Variants in FRMPD4 observed in about 807,000 individuals in gnomAD.
FRMPD4 encodes FERM and PDZ domain-containing protein 4.
A neutral mutation model predicts 94.1 loss-of-function variants in FRMPD4; 22 were observed. The ratio of observed to expected loss-of-function variants is 0.23; its 90% CI spans 0.17 to 0.33. The LOEUF (loss-of-function observed/expected upper bound fraction) is 0.33, where lower values mean the gene tolerates loss of function less well. FRMPD4 is among the 10% of genes least tolerant of loss of function. The pLI, the probability that FRMPD4 is intolerant of heterozygous loss-of-function variation, is 1.00. For synonymous variants in FRMPD4, 631 were observed against 548.6 expected, an observed-to-expected ratio of 1.15 and a Z score of -2.10; for missense variants, 1,111 against 1,339.9, an observed-to-expected ratio of 0.83 and a Z score of 2.67.
intron 3 of FRMPD4, among the ~76,000 whole-genome samples, chrX:11,983,447 T>G (rs1222132678): frequency 8.9e-6 from 1 of 112,262 alleles, no homozygotes; most frequent in African/African-American, 3.2e-5. Context: ...ACTTTGCTGC[T>G]TATTTACCTC....
intron 1 of FRMPD4, among the ~76,000 whole-genome samples, chrX:12,220,872 ATAT>A (rs1366398894): frequency 8.9e-6 from 1 of 111,993 alleles, no homozygotes; most frequent in African/African-American, 3.2e-5. Flanking sequence ...AATTACTTGA[ATAT>A]TATTATATGG....
intron 3 of FRMPD4, among the ~76,000 whole-genome samples, chrX:11,974,480 G>A (rs1395888461): frequency 8.9e-6 from 1 of 111,796 alleles, no homozygotes; most frequent in Non-Finnish European, 1.9e-5. Flanking sequence ...AGAACCATGA[G>A]CCACGTAAAC....
Position 12,558,055 on chromosome X carries a change from C to G in FRMPD4, c.159-51666C>G, listed in dbSNP as rs149030991. On this transcript the variant is annotated intron_variant, in intron 2 of 16. Transcript: ENST00000675598. Reference sequence around the variant, plus strand: ...GGTAAAAACAAGATATGCAGTAGGTCTGAAGGATTCCAAAAAGCAAGTCTC... The same window carrying G: ...GGTAAAAACAAGATATGCAGTAGGTGTGAAGGATTCCAAAAAGCAAGTCTC... Among the ~76,000 whole-genome samples, 491 of 112,640 alleles carry G rather than the reference C, an allele frequency of 4.4e-3. 1 individual carries two copies. The highest frequency in any genetic ancestry group is 0.015 in the African/African-American group (474 of 31,045).
intron 1 of FRMPD4, among the ~76,000 whole-genome samples, chrX:12,148,848 C>T (rs1260727413): frequency 8.9e-6 from 1 of 112,110 alleles, no homozygotes; most frequent in Non-Finnish European, 1.9e-5. Context: ...TCTGCTTGTG[C>T]TCTAGGAATG....
rs764593305 is a variant in FRMPD4 at position 12,682,209 on chromosome X, T to C, written c.469-1274T>C. On this transcript the variant is annotated intron_variant, in intron 5 of 16. Coordinates refer to ENST00000675598, the MANE Select transcript of FRMPD4 (RefSeq NM_001368397.1). ...ATTTGATTTATCTATTTCATCATATTGCTTTTTAAATTTAATTGATCTTAA... is the reference window on the plus strand; with the variant it reads ...ATTTGATTTATCTATTTCATCATATCGCTTTTTAAATTTAATTGATCTTAA... Among the ~76,000 whole-genome samples the C allele has an allele frequency of 3.5e-5, 4 of 112,819 alleles. No individual in the cohort carries two copies. In the East Asian group the frequency reaches 1.1e-3, roughly 31 times the overall value.
At chrX:12,673,846 A>G (rs5935382) in intron 4 of FRMPD4, among the ~76,000 whole-genome samples, 35,237 of 110,163 alleles carry the variant, frequency 0.32, 4,742 homozygotes, top group Non-Finnish European at 0.43. Context: ...CCACTCCCCA[A>G]CTACATGGTC....
chrX:12,126,844 G>A (rs1028819214), intron 3 of FRMPD4, among the ~76,000 whole-genome samples: 3 of 111,470 alleles, frequency 2.7e-5, no homozygotes, highest in Admixed American at 9.5e-5. Flanking sequence ...ATTCTCTCAC[G>A]TGGGCTGACC....
intron 3 of FRMPD4, among the ~76,000 whole-genome samples, chrX:12,058,345 C>A (rs2054866273): frequency 9.0e-6 from 1 of 111,521 alleles, no homozygotes; most frequent in Admixed American, 9.5e-5. Context: ...ACACCTTCAG[C>A]CTTTATTTTG....
intron 4 of FRMPD4, among the ~76,000 whole-genome samples, chrX:12,633,015 A>G (rs1248943876): frequency 8.9e-6 from 1 of 112,059 alleles, no homozygotes; most frequent in Non-Finnish European, 1.9e-5. Flanking sequence ...TCTGGGCAGC[A>G]TACACCAAAT....
At chrX:12,653,925 G>A (rs1248288726) in intron 4 of FRMPD4, among the ~76,000 whole-genome samples, 9 of 111,499 alleles carry the variant, frequency 8.1e-5, no homozygotes, top group Non-Finnish European at 1.3e-4. Context: ...GTGCCACCAT[G>A]CCCAGCTAAT....
intron 2 of FRMPD4, among the ~76,000 whole-genome samples, chrX:11,876,648 G>C (rs749765764): frequency 1.2e-5 from 1 of 83,895 alleles, no homozygotes; most frequent in Non-Finnish European, 2.5e-5. Flanking sequence ...TGTCATTGGA[G>C]AGTTATTTCC....
intron 3 of FRMPD4, among the ~76,000 whole-genome samples, chrX:12,066,840 CAG>C (rs2054923966): frequency 9.6e-6 from 1 of 104,653 alleles, no homozygotes; most frequent in African/African-American, 3.5e-5. Flanking sequence ...AAAAAAAAAA[CAG>C]AGCAGCAGTC....
At chrX:11,878,095 G>A (rs2053795070) in intron 3 of FRMPD4, among the ~76,000 whole-genome samples, 1 of 112,056 alleles carries the variant, frequency 8.9e-6, no homozygotes, top group Admixed American at 9.5e-5. Flanking sequence ...CTTTTCAGTA[G>A]GATGAATTTA....
intron 1 of FRMPD4, among the ~76,000 whole-genome samples, chrX:12,184,113 G>T (rs767270117): frequency 1.8e-5 from 2 of 110,936 alleles, no homozygotes; most frequent in African/African-American, 6.5e-5. Context: ...ATTTATGATT[G>T]TATTCACCAG....
rs925999565 is a variant in FRMPD4 at position 11,837,939 on chromosome X, T to C, written c.-161+15224T>C. ...TAGCACAGATTCTTGACCTATATTCTAAGGTACTCTAAATTCCATGGGGAA... is the reference window on the plus strand; with the variant it reads ...TAGCACAGATTCTTGACCTATATTCCAAGGTACTCTAAATTCCATGGGGAA... On this transcript the variant is annotated intron_variant, in intron 1 of 18. Coordinates refer to the FRMPD4 transcript ENST00000640291. 3.6e-5 allele frequency among the ~76,000 whole-genome samples: 4 copies of C among 111,592 alleles called. No homozygotes were observed. In the South Asian group the frequency reaches 1.1e-3, roughly 31 times the overall value.
chrX:12,012,681 A>G (rs1381622477), intron 3 of FRMPD4, among the ~76,000 whole-genome samples: 3 of 112,528 alleles, frequency 2.7e-5, no homozygotes, highest in Non-Finnish European at 3.8e-5. Flanking sequence ...TAAAGAATCA[A>G]TGCAAAATTT....
chrX:12,545,589 G>C (rs5978546), intron 2 of FRMPD4, among the ~76,000 whole-genome samples: 2,178 of 112,864 alleles, frequency 0.019, 47 homozygotes, highest in African/African-American at 0.065. Flanking sequence ...TAACTCTTTT[G>C]GAAATTGTGT....
chrX:12,616,921 GT>G (rs2059241487), intron 4 of FRMPD4, among the ~76,000 whole-genome samples: 1 of 112,586 alleles, frequency 8.9e-6, no homozygotes, highest in Middle Eastern at 4.7e-3. Context: ...AAATATCTGT[GT>G]TTAGGTTGGC....
chrX:11,968,843 A>T (rs1053047507), intron 3 of FRMPD4, among the ~76,000 whole-genome samples: 5 of 112,329 alleles, frequency 4.5e-5, no homozygotes, highest in African/African-American at 1.6e-4. Flanking sequence ...ACACTGAGGC[A>T]CAGAGATTAA....
Sources: gnomAD v4.1 joint callset for allele counts (sites outside exome capture counted in the v4.1 genomes callset) on GRCh38, gnomAD v4.1.1 for gene constraint, MANE v1.5 for transcripts, NCBI Gene and HGNC (gene_info 2026-07-23, HGNC 2026-07-21) for gene names.